The following TFEC variants were observed in gnomAD, a reference collection of about 807,000 sequenced individuals.
The protein encoded by TFEC is transcription factor EC.
TFEC carries 31 observed loss-of-function variants against 41.6 expected under a neutral mutation model. The observed-to-expected ratio is 0.74, with a 90% confidence interval of 0.56 to 1.01. TFEC has a LOEUF of 1.01. Among genes scored for constraint, TFEC ranks in the 50% least tolerant of loss-of-function variants. The probability of loss-of-function intolerance (pLI) is 0.00; values close to 1 mark genes in which losing one functional copy is unlikely to be tolerated. For missense variants in TFEC, 402 were observed against 404.1 expected, an observed-to-expected ratio of 0.99 and a Z score of 0.04; for synonymous variants, 143 against 140.6, an observed-to-expected ratio of 1.02 and a Z score of -0.12.
At chr7:116,097,968 C>T (rs898107300) in intron 3 of TFEC, among the ~76,000 whole-genome samples, 2 of 152,040 alleles carry the variant, frequency 1.3e-5, no homozygotes, top group African/African-American at 2.4e-5. Flanking sequence ...ACAATAAATA[C>T]ATAAACTGAC....
At chr7:115,969,733 G>T (rs1248317944) in intron 3 of TFEC, among the ~76,000 whole-genome samples, 1 of 151,968 alleles carries the variant, frequency 6.6e-6, no homozygotes, top group Non-Finnish European at 1.5e-5. Flanking sequence ...AGCTGTAAGG[G>T]AACAAAATGT....
intron 1 of TFEC, among the ~76,000 whole-genome samples, chr7:116,014,894 G>A (rs1795132358): frequency 6.6e-6 from 1 of 151,974 alleles, no homozygotes. Flanking sequence ...GAAAACGCAG[G>A]CAAGCACATA....
chr7:116,059,049 T>G (rs1162816317), intron 3 of TFEC, among the ~76,000 whole-genome samples: 2 of 151,646 alleles, frequency 1.3e-5, no homozygotes, highest in Non-Finnish European at 3.0e-5. Context: ...GGAAAATTAA[T>G]GAAATAAAAT....
At chr7:115,976,169 A>G (rs1045326933) in intron 2 of TFEC, among the ~76,000 whole-genome samples, 6 of 152,134 alleles carry the variant, frequency 3.9e-5, no homozygotes, top group Non-Finnish European at 8.8e-5. Flanking sequence ...CACACCTGCA[A>G]TCCCAGCACT....
Position 115,981,717 on chromosome 7 carries a change from G to A in TFEC, c.180+2545C>T, listed in dbSNP as rs115497289. On this transcript the variant is annotated intron_variant, in intron 2 of 7. Coordinates refer to ENST00000265440, the MANE Select transcript of TFEC (RefSeq NM_012252.4). ...TGCTATGAAAACTCAGATAACAGGC[G>A]CTAAGCCCAGACAGAGCATCACCAG... is the stretch of plus-strand genomic sequence containing the variant. Among the ~76,000 whole-genome samples, 351 of 152,288 alleles carry A rather than the reference G, an allele frequency of 2.3e-3. 4 individuals carry two copies. Among genetic ancestry groups the A allele is most frequent in the African/African-American group, 7.8e-3 (325 of 41,580 alleles).
chr7:116,086,194 G>A (rs1008052960), intron 3 of TFEC, among the ~76,000 whole-genome samples: 3 of 151,510 alleles, frequency 2.0e-5, no homozygotes, highest in Non-Finnish European at 4.4e-5. Flanking sequence ...TTACATATTC[G>A]AAATAAAGAG....
intron 1 of TFEC, among the ~76,000 whole-genome samples, chr7:116,010,730 C>T (rs1008874153): frequency 1.3e-5 from 2 of 152,132 alleles, no homozygotes; most frequent in African/African-American, 2.4e-5. Flanking sequence ...ATAGGAAAAT[C>T]TATTCTGATA....
intron 3 of TFEC, among the ~76,000 whole-genome samples, chr7:116,063,151 A>G (rs1796608725): frequency 6.6e-6 from 1 of 152,204 alleles, no homozygotes; most frequent in African/African-American, 2.4e-5. Flanking sequence ...AAATAATTAC[A>G]CTGAGTGAGA....
At chr7:116,037,216 G>A (rs926978879) in intron 3 of TFEC, among the ~76,000 whole-genome samples, 1 of 151,988 alleles carries the variant, frequency 6.6e-6, no homozygotes, top group African/African-American at 2.4e-5. Context: ...GGGATGTTGA[G>A]GGTCTTTATG....
intron 1 of TFEC, among the ~76,000 whole-genome samples, chr7:116,019,605 T>A (rs1002123936): frequency 5.9e-5 from 9 of 152,206 alleles, no homozygotes; most frequent in Admixed American, 5.9e-4. Context: ...TGACACAATT[T>A]ATGTGAGTGT....
intron 3 of TFEC, among the ~76,000 whole-genome samples, chr7:116,049,351 T>C (rs1796251927): frequency 6.6e-6 from 1 of 152,046 alleles, no homozygotes; most frequent in African/African-American, 2.4e-5. Context: ...TAAAACAGAC[T>C]TTAAACCAAC....
At chr7:115,949,009 T>C (rs1258142305) in intron 6 of TFEC, among the ~76,000 whole-genome samples, 2 of 151,900 alleles carry the variant, frequency 1.3e-5, no homozygotes, top group Non-Finnish European at 1.5e-5. Context: ...AGTCTCAGGA[T>C]ACAAAATCAA....
intron 1 of TFEC, among the ~76,000 whole-genome samples, chr7:116,004,193 AT>A (rs1341745272): frequency 8.5e-5 from 13 of 152,138 alleles, no homozygotes; most frequent in Non-Finnish European, 1.5e-5. Flanking sequence ...CCTAAATATG[AT>A]TTTTTGAAAA....
chr7:115,980,415 T>C (rs2130648169), intron 2 of TFEC, among the ~76,000 whole-genome samples: 1 of 152,286 alleles, frequency 6.6e-6, no homozygotes, highest in African/African-American at 2.4e-5. Flanking sequence ...GACTACCTAC[T>C]TCTGGCCTAC....
intron 1 of TFEC, among the ~76,000 whole-genome samples, chr7:116,014,074 G>A (rs1173602517): frequency 6.6e-6 from 1 of 152,050 alleles, no homozygotes; most frequent in African/African-American, 2.4e-5. Flanking sequence ...TTCTCCAGGA[G>A]AAATTTTAGT....
chr7:116,147,529 T>C (rs548090519), intron 1 of TFEC, among the ~76,000 whole-genome samples: 1 of 152,062 alleles, frequency 6.6e-6, no homozygotes, highest in South Asian at 2.1e-4. Context: ...ACATTAGGTA[T>C]ATCTCCTAAT....
chr7:116,046,107 G>T (rs1389994731), intron 3 of TFEC, among the ~76,000 whole-genome samples: 1 of 152,160 alleles, frequency 6.6e-6, no homozygotes, highest in Non-Finnish European at 1.5e-5. Context: ...GAAGGGACTT[G>T]CCTTGTCTCA....
intron 3 of TFEC, among the ~76,000 whole-genome samples, chr7:116,046,382 T>C (rs571980296): frequency 6.6e-6 from 1 of 152,294 alleles, no homozygotes; most frequent in African/African-American, 2.4e-5. Flanking sequence ...CTCGTGATAG[T>C]GAATAGGTCT....
intron 3 of TFEC, among the ~76,000 whole-genome samples, chr7:116,087,341 C>G (rs1797224500): frequency 6.6e-6 from 1 of 151,940 alleles, no homozygotes; most frequent in African/African-American, 2.4e-5. Context: ...AAAATTATCA[C>G]ATTTAATATT....
Sources: allele counts gnomAD v4.1 joint callset (sites outside exome capture counted in the v4.1 genomes callset), GRCh38; gene constraint gnomAD v4.1.1; transcripts MANE v1.5; gene names NCBI Gene and HGNC (gene_info 2026-07-23, HGNC 2026-07-21).